NLRP12: variants seen among roughly 807,000 people sequenced by gnomAD.
NLRP12 encodes NLR family pyrin domain containing 12, also known as NACHT, LRR and PYD domains-containing protein 12.
In NLRP12, 108 loss-of-function variants were observed where a neutral mutation model predicts 91.2. That is an observed-to-expected ratio of 1.18 (90% confidence interval 1.01 to 1.39). The LOEUF (loss-of-function observed/expected upper bound fraction) is 1.39, where lower values mean the gene tolerates loss of function less well. NLRP12 is among the 40% of genes most tolerant of loss of function. The pLI is 0.00. For synonymous variants in NLRP12, 613 were observed against 566.7 expected (o/e 1.08, Z -1.16); for missense variants, 1,530 against 1,352.7 (o/e 1.13, Z -2.06).
Position 53,806,865 on chromosome 19 carries a change from T to A in NLRP12, c.2243+630A>T, listed in dbSNP as rs116866733. Among the ~76,000 whole-genome samples, 827 of 137,650 alleles carry A rather than the reference T, an allele frequency of 6.0e-3. 2 individuals carry two copies. The highest frequency in any genetic ancestry group is 8.3e-3 in the Non-Finnish European group (540 of 64,864). The allele number at this position is 137,650 out of a possible 152,430, so 90.3% of individuals were successfully genotyped here. A position where few individuals can be genotyped will look rare whatever the true frequency, so the allele number is the denominator to read the frequency against. ...AGAGCATATCAGTGTCTCAAAAATT[T>A]AAAAAAAAAAAAAGTAAAAAAAAGA... On this transcript the variant is annotated intron_variant, in intron 4 of 9. Coordinates refer to ENST00000324134, the MANE Select transcript of NLRP12 (RefSeq NM_144687.4).
intron 1 of NLRP12, among the ~76,000 whole-genome samples, chr19:53,821,066 T>C (rs7253836): frequency 0.93 from 116,892 of 125,136 alleles, 54,815 homozygotes; most frequent in Non-Finnish European, 0.96. Flanking sequence ...GACAGAGTCT[T>C]ACTCTGTCAC....
At chr19:53,804,229 G>T in intron 5 of NLRP12, 107 bp from the exon 6 acceptor site, 1 of 1,274,574 alleles carries the variant, frequency 7.8e-7, no homozygotes, top group Non-Finnish European at 1.1e-6. Flanking sequence ...TTGTTGCTCT[G>T]TCACCCAGGG....
chr19:53,803,981 C>T lies in NLRP12; in HGVS notation c.2556G>A (p.Arg852=). ...AAGTCCGTAGTCTGCAGACTGGGTG[C>T]CTCAGTCCCTGGCATAGTAACCTCA... ...LGLRLLCQGL[R]HPVCRLRTLW... Residue 852 remains arginine (R), a synonymous_variant, in exon 6 of 10, where the codon AGG becomes AGA. Transcript: ENST00000324134. The T allele has an allele frequency of 6.2e-7, 1 of 1,614,122 alleles. No homozygotes were observed. The highest frequency in any genetic ancestry group is 2.2e-5 in the East Asian group (1 of 44,884).
rs774533869 is a variant in NLRP12 at position 53,810,774 on chromosome 19, GCC to G, written c.883_884del (p.Gly295LeufsTer3). 35 of 1,613,974 alleles carry G rather than the reference GCC, an allele frequency of 2.2e-5. No individual in the cohort carries two copies. Among genetic ancestry groups the G allele is most frequent in the Non-Finnish European group, 3.0e-5 (35 of 1,180,042 alleles). ...GGAAAGAAGGCTTGAGCTCATCGAA[GCC>G]GTCGATGATGAAAAGGAGGCGCTCG... ...VPERLLFIID[G>X]FDELKPSFHD... is the part of the protein sequence containing the mutation. On this transcript the variant is annotated frameshift_variant, in exon 3 of 10. Transcript: ENST00000324134. LOFTEE classifies it high-confidence loss of function.
At chr19:53,811,510 T>C (rs891659336) in intron 2 of NLRP12, among the ~76,000 whole-genome samples, 1 of 150,914 alleles carries the variant, frequency 6.6e-6, no homozygotes, top group Non-Finnish European at 1.5e-5. Flanking sequence ...CCAGACTCCA[T>C]CTCAAAAAAA....
chr19:53,823,423 T>TATATTAAA (rs1363310431), intron 1 of NLRP12, among the ~76,000 whole-genome samples: 1 of 109,912 alleles, frequency 9.1e-6, no homozygotes. Context: ...ATGTTTTAAA[T>TATATTAAA]ATATATATTT....
At chr19:53,817,361 CAG>C (rs1344375552) in intron 1 of NLRP12, among the ~76,000 whole-genome samples, 1 of 151,572 alleles carries the variant, frequency 6.6e-6, no homozygotes, top group African/African-American at 2.4e-5. Context: ...ACCAGGGAGT[CAG>C]AGGTTGAAGT....
At chr19:53,823,423 T>TATATATTTAAA (rs1555799936) in intron 1 of NLRP12, among the ~76,000 whole-genome samples, 22 of 109,894 alleles carry the variant, frequency 2.0e-4, no homozygotes, top group South Asian at 1.5e-3. Context: ...ATGTTTTAAA[T>TATATATTTAAA]ATATATATTT....
intron 5 of NLRP12, 104 bp from the exon 6 acceptor site, chr19:53,804,226 T>C (rs1486916508): frequency 3.2e-5 from 43 of 1,330,760 alleles, no homozygotes; most frequent in Non-Finnish European, 2.1e-6. Flanking sequence ...AGGTTGTTGC[T>C]CTGTCACCCA....
At position 53,824,242 on chromosome 19, in the gene NLRP12, C is replaced by T. The variant is rs746346212; in HGVS notation, c.-68G>A. ...ATGCTCCTATGCACGGGACACAGGG[C>T]GACCCCAGCACACCTTCCATTGCAT... On this transcript the variant is annotated 5_prime_UTR_variant, in exon 1 of 10. Transcript: ENST00000324134. The T allele has an allele frequency of 1.8e-5, 28 of 1,519,012 alleles. No homozygotes were observed. The highest frequency in any genetic ancestry group is 1.4e-4 in the East Asian group (6 of 44,178). 94.1% of individuals were successfully genotyped at this position (1,519,012 alleles called of 1,614,324 possible). A position where few individuals can be genotyped will look rare whatever the true frequency, so the allele number is the denominator to read the frequency against.
chr19:53,818,696 A>T (rs985298610), intron 1 of NLRP12, among the ~76,000 whole-genome samples: 1 of 152,012 alleles, frequency 6.6e-6, no homozygotes, highest in Non-Finnish European at 1.5e-5. Flanking sequence ...TAAAAAAGGT[A>T]ATTCTTGAAA....
intron 8 of NLRP12, among the ~76,000 whole-genome samples, chr19:53,796,495 C>T (rs1256399636): frequency 2.6e-5 from 4 of 151,992 alleles, no homozygotes; most frequent in Non-Finnish European, 5.9e-5. Flanking sequence ...GATCCGCCCG[C>T]CTCAGCCTCC....
intron 1 of NLRP12, among the ~76,000 whole-genome samples, chr19:53,821,185 G>A (rs567847940): frequency 2.0e-5 from 3 of 151,468 alleles, no homozygotes; most frequent in Non-Finnish European, 2.9e-5. Flanking sequence ...ACTGGCGCCC[G>A]CCACCACACC....
In NLRP12 at chr19:53,814,928, G is replaced by A; in HGVS notation, c.350C>T (p.Ser117Phe). ...GNQSTCLLEV[S>F]LVTPRKDPQE... ...CTCACCTTTTCTTGGAGTGACAAGA[G>A]AGACTTCCAGAAGGCATGTTGACTG... Residue 117 changes from serine (S) to phenylalanine (F), a missense_variant, in exon 2 of 10, where the codon TCT becomes TTT. Coordinates refer to ENST00000324134, the MANE Select transcript of NLRP12 (RefSeq NM_144687.4). 1 of 1,614,070 alleles carries A rather than the reference G, an allele frequency of 6.2e-7. No homozygotes were observed. Among genetic ancestry groups the A allele is most frequent in the Non-Finnish European group, 8.5e-7 (1 of 1,179,954 alleles).
rs144583564 is a variant in NLRP12, at chr19:53,803,683, C to T, written c.2585+269G>A. On this transcript the variant is annotated intron_variant, in intron 6 of 9. Transcript: ENST00000324134. Reference sequence around the variant, plus strand: ...CCGCCTCTCAGGTTCAAGTGATCCTCCTGCCTCAGCCCCCTGAGTAGCTGT... The same window carrying T: ...CCGCCTCTCAGGTTCAAGTGATCCTTCTGCCTCAGCCCCCTGAGTAGCTGT... 4.7e-3 allele frequency: 1,976 copies of T among 422,892 alleles called. 11 individuals are homozygous for T. The highest frequency in any genetic ancestry group is 6.7e-3 in the Non-Finnish European group (1,476 of 221,522). The allele number at this position is 422,892 out of a possible 1,614,324, so 26.2% of individuals were successfully genotyped here. A position where few individuals can be genotyped will look rare whatever the true frequency, so the allele number is the denominator to read the frequency against.
In NLRP12 at chr19:53,810,889, T is replaced by TG. The variant is rs1461128467; in HGVS notation, c.769dup (p.Gln257ProfsTer18). 1 of 1,614,026 alleles carries TG rather than the reference T, an allele frequency of 6.2e-7. No homozygotes were observed. Among genetic ancestry groups the TG allele is most frequent in the Non-Finnish European group, 8.5e-7 (1 of 1,180,040 alleles). On this transcript the variant is annotated frameshift_variant, in exon 3 of 10. Transcript: ENST00000324134. LOFTEE classifies it high-confidence loss of function. ...TTGCATGCTGCATTCCGTGGCACTCTGGTTCATCTCCCTGCAGTTGATGTA... is the reference window on the plus strand; with the variant it reads ...TTGCATGCTGCATTCCGTGGCACTCTGGGTTCATCTCCCTGCAGTTGATGTA...
intron 6 of NLRP12, 113 bp downstream of exon 6, chr19:53,803,839 G>T: frequency 9.4e-7 from 1 of 1,059,660 alleles, no homozygotes; most frequent in Non-Finnish European, 1.4e-6. Flanking sequence ...CTCCCAAAGT[G>T]CCGGGATTAC....
intron 1 of NLRP12, among the ~76,000 whole-genome samples, chr19:53,822,511 T>A (rs1172188487): frequency 6.6e-6 from 1 of 151,800 alleles, no homozygotes; most frequent in East Asian, 1.9e-4. Context: ...GGTGGGTGGA[T>A]CACGAGGTCA....
At chr19:53,813,726 C>T (rs1202307873) in intron 2 of NLRP12, among the ~76,000 whole-genome samples, 1 of 152,028 alleles carries the variant, frequency 6.6e-6, no homozygotes, top group Non-Finnish European at 1.5e-5. Flanking sequence ...TTTCTCACTC[C>T]CCCCAGGCTG....
Sources: allele counts gnomAD v4.1 joint callset (sites outside exome capture counted in the v4.1 genomes callset), GRCh38; gene constraint gnomAD v4.1.1; transcripts MANE v1.5; gene names NCBI Gene and HGNC (gene_info 2026-07-23, HGNC 2026-07-21).